UNC13C: variants seen among roughly 807,000 people sequenced by gnomAD.
The protein encoded by UNC13C is protein unc-13 homolog C.
A neutral mutation model predicts 245.4 loss-of-function variants in UNC13C; 174 were observed. That is an observed-to-expected ratio of 0.71 (90% CI 0.63 to 0.80). The LOEUF (loss-of-function observed/expected upper bound fraction) is 0.80. Among genes scored for constraint, UNC13C ranks in the 30% least tolerant of loss-of-function variants. UNC13C has a pLI of 0.00. For synonymous variants in UNC13C, 992 were observed against 895.1 expected, an observed-to-expected ratio of 1.11 and a Z score of -1.93; for missense variants, 2,829 against 2,602.9, an observed-to-expected ratio of 1.09 and a Z score of -1.89.
At chr15:54,318,437 T>C (rs1295906062) in intron 13 of UNC13C, among the ~76,000 whole-genome samples, 1 of 151,930 alleles carries the variant, frequency 6.6e-6, no homozygotes, top group East Asian at 1.9e-4. Context: ...AGTGAGGTAA[T>C]ATCTGATGTG....
chr15:54,011,946 A>G (rs976585025), intron 1 of UNC13C, among the ~76,000 whole-genome samples: 1 of 152,222 alleles, frequency 6.6e-6, no homozygotes, highest in African/African-American at 2.4e-5. Context: ...CTTCCCAAAC[A>G]CATACTGGAA....
the UNC13C span, among the ~76,000 whole-genome samples, chr15:53,846,586 A>ATGCCACCACACCCG: frequency 2.0e-5 from 3 of 152,206 alleles, no homozygotes; most frequent in Non-Finnish European, 4.4e-5. Flanking sequence ...AAATTTTTGT[A>ATGCCACCACACCCG]GGCTACTCAT....
chr15:54,597,277 G>T (rs991081248), intron 30 of UNC13C, among the ~76,000 whole-genome samples: 1 of 152,168 alleles, frequency 6.6e-6, no homozygotes, highest in African/African-American at 2.4e-5. Context: ...CACAGCCTGG[G>T]GGTTAGGGAC....
At position 54,549,641 on chromosome 15, in the gene UNC13C, C is replaced by G. The variant is rs1896645208; in HGVS notation, c.5827C>G (p.Gln1943Glu). 6.2e-7 allele frequency: 1 copy of G among 1,604,166 alleles called. No individual in the cohort carries two copies. The highest frequency in any genetic ancestry group is 1.3e-5 in the African/African-American group (1 of 74,654). Residue 1943 changes from glutamine to glutamate, a missense_variant, in exon 28 of 33, where the codon CAG becomes GAG. Gln to Glu is a conservative substitution (Grantham distance 29, BLOSUM62 2). Transcript: ENST00000260323. Reference protein sequence around the residue: ...LPPLTDQTGPQMIFIAAKDLG... With the variant: ...LPPLTDQTGPEMIFIAAKDLG... ...ACTTTTTCTTTGTTTCTAGGGACCCCAGATGATTTTCATTGCAGCTAAAGA... is the reference window on the plus strand; with the variant it reads ...ACTTTTTCTTTGTTTCTAGGGACCCGAGATGATTTTCATTGCAGCTAAAGA...
At chr15:54,532,028 A>AC (rs112196645) in intron 25 of UNC13C, among the ~76,000 whole-genome samples, 15,162 of 151,996 alleles carry the variant, frequency 0.1, 974 homozygotes, top group African/African-American at 0.17. Context: ...TTTTCTTGTA[A>AC]ATTTATGTTA....
intron 2 of UNC13C, chr15:54,048,789 C>A: frequency 8.1e-6 from 2 of 246,706 alleles, no homozygotes. Flanking sequence ...GCCGTTAACT[C>A]TTGTTATAGT....
chr15:54,369,027 G>C (rs1418721071), intron 17 of UNC13C, among the ~76,000 whole-genome samples: 2 of 152,008 alleles, frequency 1.3e-5, no homozygotes, highest in African/African-American at 2.4e-5. Context: ...CCTCCATGAA[G>C]TAATGATTTG....
Position 54,051,654 on chromosome 15 carries a change from TTA to T in UNC13C, c.2983+35770_2983+35771del, listed in dbSNP as rs1169846753. On this transcript the variant is annotated intron_variant, in intron 2 of 32. Coordinates refer to ENST00000260323, the MANE Select transcript of UNC13C (RefSeq NM_001080534.3). Reference sequence around the variant, plus strand: ...ATACAGACTTTATTTATTTATTTATTTATTTATTTATTTTAATCAGGTGAATT... The same window carrying T: ...ATACAGACTTTATTTATTTATTTATTTTTATTTATTTTAATCAGGTGAATT... 3.7e-3 allele frequency among the ~76,000 whole-genome samples: 566 copies of T among 151,834 alleles called. 6 individuals are homozygous for T. The highest frequency in any genetic ancestry group is 0.013 in the African/African-American group (554 of 41,306).
intron 18 of UNC13C, among the ~76,000 whole-genome samples, chr15:54,395,657 A>T (rs757303344): frequency 2.6e-5 from 4 of 151,858 alleles, no homozygotes; most frequent in Admixed American, 1.3e-4. Context: ...ATCTCTTTCA[A>T]TGTAATCCCT....
intron 30 of UNC13C, among the ~76,000 whole-genome samples, chr15:54,598,786 A>G (rs575580116): frequency 2.6e-5 from 4 of 152,172 alleles, no homozygotes; most frequent in Non-Finnish European, 4.4e-5. Context: ...GAGAGTTTAT[A>G]TAAAAACATT....
intron 17 of UNC13C, among the ~76,000 whole-genome samples, chr15:54,348,271 C>T (rs2038904665): frequency 6.6e-6 from 1 of 152,120 alleles, no homozygotes; most frequent in African/African-American, 2.4e-5. Context: ...CTCCTTTCCT[C>T]TACTTTTTCC....
At chr15:54,444,409 A>G (rs1596384180) in intron 19 of UNC13C, among the ~76,000 whole-genome samples, 2 of 151,624 alleles carry the variant, frequency 1.3e-5, no homozygotes, top group East Asian at 1.9e-4. Context: ...TTGAGTCTAT[A>G]TATGTCAGAT....
the UNC13C span, among the ~76,000 whole-genome samples, chr15:53,935,235 A>T: frequency 6.6e-6 from 1 of 151,934 alleles, no homozygotes; most frequent in Admixed American, 6.6e-5. Context: ...TACCACTGAG[A>T]ACACTCCTTC....
At chr15:54,183,021 T>A (rs2033851801) in intron 4 of UNC13C, among the ~76,000 whole-genome samples, 1 of 151,864 alleles carries the variant, frequency 6.6e-6, no homozygotes, top group African/African-American at 2.4e-5. Flanking sequence ...TGTTTTAATA[T>A]CTAGAATAAC....
Position 54,015,659 on chromosome 15 carries a change from A to T in UNC13C, c.2756A>T (p.Asp919Val), listed in dbSNP as rs200625028. Residue 919 changes from aspartate to valine, a missense_variant, in exon 2 of 33, where the codon GAT becomes GTT. Asp to Val is a radical substitution (Grantham distance 152). Coordinates refer to ENST00000260323, the MANE Select transcript of UNC13C (RefSeq NM_001080534.3). The stretch of plus-strand genomic sequence containing the variant: ...GAAACACCTTATGAAACCCCACAAG[A>T]TGAGGGTTATGATGGTCCAGCAGAT... ...SYETPYETPQ[D>V]EGYDGPADDM... 2.0e-4 allele frequency: 318 copies of T among 1,613,588 alleles called. 1 individual carries two copies. Among genetic ancestry groups the T allele is most frequent in the Non-Finnish European group, 2.5e-4 (295 of 1,179,748 alleles).
In UNC13C at chr15:54,015,180, G is replaced by A. The variant is rs1895588635; in HGVS notation, c.2277G>A (p.Met759Ile). The change falls in exon 2 of 33, where the codon ATG becomes ATA. Residue 759 changes from methionine (M) to isoleucine (I), a missense_variant. Physicochemically the swap from Met to Ile is conservative, Grantham distance 10. Coordinates refer to ENST00000260323, the MANE Select transcript of UNC13C (RefSeq NM_001080534.3). ...LYQNQNQLSMMYRSQSELQSD... is the reference protein window; with the variant it reads ...LYQNQNQLSMIYRSQSELQSD... ...AAAATCAAAACCAGTTGTCCATGATGTATCGAAGTCAAAGTGAATTGCAAA... is the reference window on the plus strand; with the variant it reads ...AAAATCAAAACCAGTTGTCCATGATATATCGAAGTCAAAGTGAATTGCAAA... The A allele has an allele frequency of 3.1e-6, 5 of 1,612,742 alleles. No homozygotes were observed. The highest frequency in any genetic ancestry group is 4.2e-6 in the Non-Finnish European group (5 of 1,179,454).
chr15:54,614,167 GGCTATAATTGAAAA>G (rs1404896490), intron 30 of UNC13C, among the ~76,000 whole-genome samples: 7 of 151,832 alleles, frequency 4.6e-5, no homozygotes, highest in Admixed American at 1.3e-4. Flanking sequence ...TTTAGACTCT[GGCTATAATTGAAAA>G]GCTTTCTTTC....
intron 19 of UNC13C, among the ~76,000 whole-genome samples, chr15:54,451,781 G>A (rs967781616): frequency 1.3e-5 from 2 of 152,026 alleles, no homozygotes; most frequent in African/African-American, 4.8e-5. Context: ...ATTGGAATAT[G>A]TAGCTGCAGA....
chr15:54,591,523 G>T (rs565391065), intron 30 of UNC13C, among the ~76,000 whole-genome samples: 1 of 152,076 alleles, frequency 6.6e-6, no homozygotes, highest in African/African-American at 2.4e-5. Flanking sequence ...TAGGAGGGTT[G>T]TATTTTGCCA....
Sources: allele counts gnomAD v4.1 joint callset (sites outside exome capture counted in the v4.1 genomes callset), GRCh38; gene constraint gnomAD v4.1.1; transcripts MANE v1.5; gene names NCBI Gene and HGNC (gene_info 2026-07-23, HGNC 2026-07-21).